The following SNX29 variants were observed in gnomAD, a reference collection of about 807,000 sequenced individuals.
The protein encoded by SNX29 is sorting nexin-29.
A neutral mutation model predicts 102.1 loss-of-function variants in SNX29; 78 were observed. The observed-to-expected ratio is 0.76, with a 90% CI of 0.64 to 0.92. The LOEUF is 0.92. Among genes scored for constraint, SNX29 ranks in the 40% least tolerant of loss-of-function variants. The probability of loss-of-function intolerance (pLI) is 0.00; values close to 1 mark genes in which losing one functional copy is unlikely to be tolerated. For synonymous variants in SNX29, 580 were observed against 414.5 expected (o/e 1.40, Z -4.85); for missense variants, 1,280 against 1,061.7 (o/e 1.21, Z -2.86).
intron 13 of SNX29, among the ~76,000 whole-genome samples, chr16:12,155,677 G>C (rs533714225): frequency 1.3e-5 from 2 of 152,198 alleles, no homozygotes; most frequent in Admixed American, 6.5e-5. Context: ...GGCATGCCGA[G>C]ATGGAAAATG....
intron 11 of SNX29, among the ~76,000 whole-genome samples, chr16:12,118,912 A>G (rs1227749587): frequency 6.6e-6 from 1 of 151,958 alleles, no homozygotes; most frequent in Non-Finnish European, 1.5e-5. Flanking sequence ...CCAACTCTAC[A>G]CTTCTGACAT....
chr16:12,570,162 C>T lies in SNX29; in HGVS notation c.*1533C>T. The T allele has an allele frequency of 7.5e-6, 8 of 1,065,322 alleles. No individual in the cohort carries two copies. The highest frequency in any genetic ancestry group is 9.1e-6 in the Non-Finnish European group (8 of 879,152). 66.0% of individuals were successfully genotyped at this position (1,065,322 alleles called of 1,614,324 possible). ...CTGAGATCACTCACACACAGCGCCC[C>T]CCCACCCCAGAGAAACCGAGTCAGC... On this transcript the variant is annotated 3_prime_UTR_variant, in exon 21 of 21. Coordinates refer to ENST00000566228, the MANE Select transcript of SNX29 (RefSeq NM_032167.5).
chr16:12,088,231 C>T (rs1212302102), intron 11 of SNX29: 2 of 409,160 alleles, frequency 4.9e-6, no homozygotes, highest in African/African-American at 4.1e-5. Flanking sequence ...TCAGCTGATC[C>T]AGCACCTGCA....
intron 18 of SNX29, among the ~76,000 whole-genome samples, chr16:12,404,322 A>G (rs1419785008): frequency 1.3e-5 from 2 of 152,222 alleles, no homozygotes; most frequent in East Asian, 1.9e-4. Flanking sequence ...TACCCAATCA[A>G]GGGGACTCCA....
intron 11 of SNX29, among the ~76,000 whole-genome samples, chr16:12,124,802 GT>G (rs1279313214): frequency 6.6e-6 from 1 of 152,142 alleles, no homozygotes; most frequent in African/African-American, 2.4e-5. Context: ...CTCTTGCCTG[GT>G]TTTGTGGTTC....
chr16:12,414,796 A>G (rs1042025331), intron 18 of SNX29, among the ~76,000 whole-genome samples: 20 of 152,198 alleles, frequency 1.3e-4, no homozygotes, highest in African/African-American at 4.3e-4. Context: ...CTCTTGGCTT[A>G]TAGCAACCTT....
intron 20 of SNX29, among the ~76,000 whole-genome samples, chr16:12,540,956 A>G (rs763911888): frequency 1.3e-5 from 2 of 151,994 alleles, no homozygotes; most frequent in Non-Finnish European, 2.9e-5. Context: ...GGCTGCCTGT[A>G]GTTCAGGCTG....
At chr16:12,321,939 C>T (rs930801820) in intron 15 of SNX29, among the ~76,000 whole-genome samples, 2 of 152,110 alleles carry the variant, frequency 1.3e-5, no homozygotes, top group African/African-American at 4.8e-5. Flanking sequence ...GTTAGGGCCC[C>T]GATTCTGGCT....
intron 14 of SNX29, among the ~76,000 whole-genome samples, chr16:12,264,952 T>G (rs2078883609): frequency 6.6e-6 from 1 of 152,190 alleles, no homozygotes; most frequent in Non-Finnish European, 1.5e-5. Flanking sequence ...TACATGCATT[T>G]CTGTTACTAG....
chr16:12,203,781 T>C (rs7194008), intron 14 of SNX29, among the ~76,000 whole-genome samples: 8 of 152,190 alleles, frequency 5.3e-5, no homozygotes, highest in African/African-American at 1.9e-4. Context: ...TTGCTCTGTG[T>C]ACTGAAGAAG....
chr16:12,561,319 G>C (rs11075096), intron 20 of SNX29, among the ~76,000 whole-genome samples: 91,759 of 151,952 alleles, frequency 0.6, 31,785 homozygotes, highest in Non-Finnish European at 0.79. Context: ...CCTGGAGGCA[G>C]AACTGGGTTT....
intron 15 of SNX29, among the ~76,000 whole-genome samples, chr16:12,336,243 G>A (rs960276063): frequency 1.6e-4 from 24 of 152,132 alleles, no homozygotes; most frequent in African/African-American, 5.6e-4. Flanking sequence ...TTGGTTTGGC[G>A]CTCACTGTAA....
intron 10 of SNX29, among the ~76,000 whole-genome samples, chr16:12,077,386 GGT>G (rs60621681): frequency 0.093 from 13,200 of 142,536 alleles, 554 homozygotes; most frequent in East Asian, 0.11. Flanking sequence ...TCCTAGTCAT[GGT>G]GTGTGTGTGT....
intron 13 of SNX29, among the ~76,000 whole-genome samples, chr16:12,152,119 G>A (rs543292935): frequency 4.8e-4 from 73 of 152,140 alleles, no homozygotes; most frequent in Non-Finnish European, 7.9e-4. Flanking sequence ...TACTTTGGAG[G>A]CTGAGGTGGG....
chr16:12,144,617 C>A (rs548407529), intron 13 of SNX29, among the ~76,000 whole-genome samples: 126 of 152,340 alleles, frequency 8.3e-4, no homozygotes, highest in Non-Finnish European at 1.6e-3. Flanking sequence ...TCGTGGACTT[C>A]CCAGCTTCCA....
chr16:12,323,486 T>C (rs1043906609), intron 15 of SNX29, among the ~76,000 whole-genome samples: 1 of 150,828 alleles, frequency 6.6e-6, no homozygotes, highest in African/African-American at 2.4e-5. Flanking sequence ...GGTTAGTGTC[T>C]AGTCAGCCAC....
chr16:12,091,130 A>G (rs1158038344), intron 11 of SNX29, among the ~76,000 whole-genome samples: 1 of 151,918 alleles, frequency 6.6e-6, no homozygotes, highest in African/African-American at 2.4e-5. Flanking sequence ...CTTTACCTTC[A>G]CTAATGCTTA....
At chr16:12,559,295 G>A (rs1459585953) in intron 20 of SNX29, among the ~76,000 whole-genome samples, 1 of 151,954 alleles carries the variant, frequency 6.6e-6, no homozygotes, top group Non-Finnish European at 1.5e-5. Context: ...CATTCTGAAA[G>A]GCATGCAAAC....
At chr16:12,310,581 AT>A (rs1246513915) in intron 15 of SNX29, among the ~76,000 whole-genome samples, 2 of 152,160 alleles carry the variant, frequency 1.3e-5, no homozygotes, top group Admixed American at 1.3e-4. Flanking sequence ...ACTCTGGAAA[AT>A]GCAAACTAAT....
Sources: allele counts gnomAD v4.1 joint callset (sites outside exome capture counted in the v4.1 genomes callset), GRCh38; gene constraint gnomAD v4.1.1; transcripts MANE v1.5; gene names NCBI Gene and HGNC (gene_info 2026-07-23, HGNC 2026-07-21).